Variants in CAB39 observed in about 807,000 individuals in gnomAD.
The protein encoded by CAB39 is calcium-binding protein 39.
Under a neutral mutation model 40.0 loss-of-function variants are expected in CAB39, and 8 were observed. The ratio of observed to expected loss-of-function variants is 0.20; its 90% confidence interval spans 0.12 to 0.36. The LOEUF (loss-of-function observed/expected upper bound fraction) is 0.36. Ranked by LOEUF, CAB39 falls within the 10% of genes least tolerant of loss-of-function variation. The pLI is 1.00. For missense variants in CAB39, 270 were observed against 401.1 expected (o/e 0.67, Z 2.79); for synonymous variants, 156 against 141.6 (o/e 1.10, Z -0.72).
chr2:230,774,581 A>G (rs1054451903), intron 2 of CAB39, among the ~76,000 whole-genome samples: 1 of 152,178 alleles, frequency 6.6e-6, no homozygotes, highest in South Asian at 2.1e-4. Context: ...TAAAGGAGGT[A>G]TGGCTGCCTT....
chr2:230,775,789 A>G (rs544181727), intron 2 of CAB39, among the ~76,000 whole-genome samples: 2 of 152,258 alleles, frequency 1.3e-5, no homozygotes, highest in Non-Finnish European at 2.9e-5. Context: ...ATCCACAGAC[A>G]TTTTAGTGCC....
At chr2:230,800,510 G>T (rs1319707113) in intron 5 of CAB39, among the ~76,000 whole-genome samples, 1 of 152,204 alleles carries the variant, frequency 6.6e-6, no homozygotes, top group Non-Finnish European at 1.5e-5. Context: ...ACCACAGTTG[G>T]TGGGCTAGGA....
At chr2:230,766,688 T>G (rs1429714676) in intron 2 of CAB39, among the ~76,000 whole-genome samples, 3 of 152,204 alleles carry the variant, frequency 2.0e-5, no homozygotes, top group African/African-American at 7.2e-5. Flanking sequence ...GCCACCATGT[T>G]TGGCAAATTT....
chr2:230,732,513 G>GT (rs1413176906), intron 1 of CAB39, among the ~76,000 whole-genome samples: 2 of 152,166 alleles, frequency 1.3e-5, no homozygotes, highest in African/African-American at 4.8e-5. Flanking sequence ...GACATAATCT[G>GT]TTATTTTCAG....
chr2:230,785,039 A>G (rs1469523604), intron 2 of CAB39, among the ~76,000 whole-genome samples: 1 of 152,232 alleles, frequency 6.6e-6, no homozygotes, highest in East Asian at 1.9e-4. Context: ...CAAATAAGGA[A>G]TGGCATGCAC....
intron 5 of CAB39, 31 bp downstream of exon 5, chr2:230,798,928 T>C: frequency 6.5e-7 from 1 of 1,542,904 alleles, no homozygotes; most frequent in Admixed American, 1.8e-5. Context: ...CTAAATATCC[T>C]TGAAAGTCAG....
chr2:230,766,775 A>G (rs1695393385), intron 2 of CAB39, among the ~76,000 whole-genome samples: 1 of 152,198 alleles, frequency 6.6e-6, no homozygotes, highest in South Asian at 2.1e-4. Context: ...GCTTCAGCCC[A>G]GTTGGCCTCC....
intron 3 of CAB39, 41 bp from the exon 4 acceptor site, chr2:230,793,172 G>A (rs746562233): frequency 8.7e-7 from 1 of 1,150,414 alleles, no homozygotes; most frequent in African/African-American, 1.5e-5. Context: ...GCATTTTGAT[G>A]TTTGGTCAGG....
intron 4 of CAB39, among the ~76,000 whole-genome samples, chr2:230,795,804 G>T (rs1445674326): frequency 1.3e-5 from 2 of 151,798 alleles, no homozygotes; most frequent in Admixed American, 6.6e-5. Context: ...TGATGACTTA[G>T]TTATCCCAAA....
At position 230,820,322 on chromosome 2, in the gene CAB39, C is replaced by A. The variant is rs1163796404; in HGVS notation, c.*1618C>A. 1 of 152,200 alleles carries A rather than the reference C, an allele frequency of 6.6e-6. No homozygotes were observed. Among genetic ancestry groups the A allele is most frequent in the African/African-American group, 2.4e-5 (1 of 41,462 alleles). The allele number at this position is 152,200 out of a possible 1,614,324, so 9.4% of individuals were successfully genotyped here. On this transcript the variant is annotated 3_prime_UTR_variant, in exon 9 of 9. Coordinates refer to ENST00000258418, the MANE Select transcript of CAB39 (RefSeq NM_016289.4). ...ATGGGCCTCCCAATTGCTGTTTCAG[C>A]AGGTTTTAAACCTTCAGGAACACCA...
At chr2:230,760,255 G>T in intron 2 of CAB39, 140 bp downstream of exon 2, 1 of 519,608 alleles carries the variant, frequency 1.9e-6, no homozygotes. Context: ...TGCTGCTGTT[G>T]CAACATACTT....
chr2:230,797,250 T>G (rs1428695819), intron 4 of CAB39, among the ~76,000 whole-genome samples: 1 of 152,028 alleles, frequency 6.6e-6, no homozygotes, highest in Admixed American at 6.5e-5. Context: ...GACATTGAAG[T>G]TGGGAAGATT....
At chr2:230,728,504 T>C (rs1232217949) in intron 1 of CAB39, among the ~76,000 whole-genome samples, 1 of 152,178 alleles carries the variant, frequency 6.6e-6, no homozygotes, top group African/African-American at 2.4e-5. Context: ...TTTTGCCATG[T>C]TGTCCAGGCT....
At chr2:230,810,638 G>C (rs1258453524) in intron 6 of CAB39, among the ~76,000 whole-genome samples, 2 of 152,156 alleles carry the variant, frequency 1.3e-5, no homozygotes, top group South Asian at 2.1e-4. Flanking sequence ...TTTTCCATCA[G>C]TTGCCCCACA....
At chr2:230,722,752 T>C (rs911764665) in intron 1 of CAB39, among the ~76,000 whole-genome samples, 2 of 152,250 alleles carry the variant, frequency 1.3e-5, no homozygotes, top group African/African-American at 4.8e-5. Context: ...TGCTGTACTA[T>C]ACGTACTTTG....
chr2:230,815,789 TTTA>T (rs1696389417), intron 7 of CAB39, among the ~76,000 whole-genome samples: 3 of 152,164 alleles, frequency 2.0e-5, no homozygotes. Context: ...GCTCCTGCAG[TTTA>T]TGTTAGCGGT....
Position 230,818,660 on chromosome 2 carries a change from A to C in CAB39, c.982A>C (p.Lys328Gln). ...QFNDEKTYLV[K>Q]QIRDLKRPAQ... Reference sequence around the variant, plus strand: ...TAACGACGAGAAGACCTATTTAGTTAAACAGATCAGGGATTTGAAGAGACC... The same window carrying C: ...TAACGACGAGAAGACCTATTTAGTTCAACAGATCAGGGATTTGAAGAGACC... Residue 328 changes from lysine to glutamine, a missense_variant, in exon 9 of 9, where the codon AAA becomes CAA. Lys to Gln is a moderately conservative substitution (Grantham distance 53, BLOSUM62 1). Transcript: ENST00000258418. 1 of 1,614,188 alleles carries C rather than the reference A, an allele frequency of 6.2e-7. No individual in the cohort carries two copies. Among genetic ancestry groups the C allele is most frequent in the Non-Finnish European group, 8.5e-7 (1 of 1,180,010 alleles).
intron 4 of CAB39, among the ~76,000 whole-genome samples, chr2:230,794,521 C>G (rs1423004125): frequency 2.0e-5 from 3 of 152,194 alleles, no homozygotes; most frequent in Admixed American, 2.0e-4. Context: ...TGACATTTTT[C>G]ACTTCAGAGT....
At chr2:230,717,522 G>A (rs772575759) in intron 1 of CAB39, among the ~76,000 whole-genome samples, 1 of 152,110 alleles carries the variant, frequency 6.6e-6, no homozygotes, top group Non-Finnish European at 1.5e-5. Flanking sequence ...TCTACAGTCC[G>A]GAATATGGGG....
Sources: gnomAD v4.1 joint callset for allele counts (sites outside exome capture counted in the v4.1 genomes callset) on GRCh38, gnomAD v4.1.1 for gene constraint, MANE v1.5 for transcripts, NCBI Gene and HGNC (gene_info 2026-07-23, HGNC 2026-07-21) for gene names.